The following LAMA2 variants were observed in gnomAD, a reference collection of about 807,000 sequenced individuals.
LAMA2 encodes the protein laminin subunit alpha-2.
A neutral mutation model predicts 364.8 loss-of-function variants in LAMA2; 269 were observed. The ratio of observed to expected loss-of-function variants is 0.74; its 90% CI spans 0.67 to 0.82. The LOEUF is 0.82. Ranked by LOEUF, LAMA2 falls within the 40% of genes least tolerant of loss-of-function variation. The pLI is 0.00. For missense variants in LAMA2, 3,807 were observed against 3,873.2 expected (o/e 0.98, Z 0.45); for synonymous variants, 1,379 against 1,370.6 (o/e 1.01, Z -0.14).
intron 58 of LAMA2, among the ~76,000 whole-genome samples, chr6:129,499,932 C>G (rs56000744): frequency 0.026 from 3,951 of 151,852 alleles, 165 homozygotes; most frequent in African/African-American, 0.087. Context: ...TTTGGAGAGA[C>G]AGAGGGGGGC....
intron 1 of LAMA2, among the ~76,000 whole-genome samples, chr6:128,920,539 T>G (rs946745192): frequency 6.6e-6 from 1 of 152,142 alleles, no homozygotes; most frequent in Non-Finnish European, 1.5e-5. Context: ...TGTACCCATA[T>G]TGGCTCTATT....
At chr6:129,299,985 C>A (rs1016169785) in intron 21 of LAMA2, among the ~76,000 whole-genome samples, 1 of 152,284 alleles carries the variant, frequency 6.6e-6, no homozygotes, top group East Asian at 1.9e-4. Flanking sequence ...TTCTTAGTAG[C>A]TGGGTCAACT....
chr6:129,380,269 T>C (rs973878832), intron 34 of LAMA2, among the ~76,000 whole-genome samples: 13 of 152,132 alleles, frequency 8.5e-5, no homozygotes, highest in Non-Finnish European at 1.8e-4. Flanking sequence ...AAATCTTTTT[T>C]TGAGAATGTT....
chr6:129,327,233 G>C (rs1468393428), intron 28 of LAMA2, among the ~76,000 whole-genome samples: 1 of 152,076 alleles, frequency 6.6e-6, no homozygotes, highest in Non-Finnish European at 1.5e-5. Context: ...CAAGGAGGGT[G>C]CTAGCTATTA....
chr6:129,403,760 A>T lies in LAMA2; in HGVS notation c.5727-61A>T, dbSNP rs765689172. The T allele has an allele frequency of 3.8e-5, 56 of 1,491,126 alleles. No individual in the cohort carries two copies. In the Middle Eastern group the frequency reaches 6.9e-4, roughly 18 times the overall value. 92.4% of individuals were successfully genotyped at this position (1,491,126 alleles called of 1,614,324 possible). A position where few individuals can be genotyped will look rare whatever the true frequency, so the allele number is the denominator to read the frequency against. ...GGAAGCCAGATTTCATATAATTAGG[A>T]CGTTCTTCATTTGAGTACCATTGAG... On this transcript the variant is annotated intron_variant, in intron 39 of 64. Coordinates refer to ENST00000421865, the MANE Select transcript of LAMA2 (RefSeq NM_000426.4).
chr6:128,935,052 G>A (rs1454370622), intron 1 of LAMA2, among the ~76,000 whole-genome samples: 2 of 151,788 alleles, frequency 1.3e-5, no homozygotes, highest in Admixed American at 6.6e-5. Context: ...TATTTTTGAC[G>A]CTATTGCTTT....
intron 1 of LAMA2, among the ~76,000 whole-genome samples, chr6:128,913,115 G>A (rs1250921523): frequency 6.6e-6 from 1 of 152,184 alleles, no homozygotes; most frequent in Non-Finnish European, 1.5e-5. Flanking sequence ...TCCACTCTGA[G>A]AGATTAATTA....
In LAMA2 at chr6:129,481,420, A is replaced by C; in HGVS notation, c.7730A>C (p.Lys2577Thr). Residue 2577 changes from lysine (K) to threonine (T), a missense_variant, in exon 55 of 65, where the codon AAA (lysine) becomes ACA (threonine). Lys to Thr is a moderately conservative substitution (Grantham distance 78). This residue lies in a region of LAMA2 where 3,333 missense variants were observed against 3,345.7 expected (regional missense o/e 1.00). Coordinates refer to ENST00000421865, the MANE Select transcript of LAMA2 (RefSeq NM_000426.4). ...GGGACACCAGCACCACCTAGGAGAA[A>C]ACGAAGGCAGACTGGACAGGTACCC... ...SGGTPAPPRR[K>T]RRQTGQAYYA... The C allele has an allele frequency of 6.2e-7, 1 of 1,613,850 alleles. No individual in the cohort carries two copies. Among genetic ancestry groups the C allele is most frequent in the Non-Finnish European group, 8.5e-7 (1 of 1,179,794 alleles).
chr6:129,017,291 T>G (rs764815862), intron 1 of LAMA2, among the ~76,000 whole-genome samples: 4 of 152,020 alleles, frequency 2.6e-5, no homozygotes, highest in Non-Finnish European at 5.9e-5. Flanking sequence ...TCTATTTTTG[T>G]GAGGCACTAT....
chr6:128,974,990 T>A (rs907865198), intron 1 of LAMA2, among the ~76,000 whole-genome samples: 3 of 151,904 alleles, frequency 2.0e-5, no homozygotes, highest in African/African-American at 4.8e-5. Context: ...TAGCTGGGAC[T>A]ACAGGCGCCC....
At chr6:129,312,527 A>T (rs1774294112) in intron 22 of LAMA2, among the ~76,000 whole-genome samples, 1 of 152,230 alleles carries the variant, frequency 6.6e-6, no homozygotes, top group South Asian at 2.1e-4. Context: ...AAGGTAAAAT[A>T]ACTTTGTCTA....
At chr6:129,478,011 CTT>C (rs1784160117) in intron 53 of LAMA2, among the ~76,000 whole-genome samples, 1 of 139,636 alleles carries the variant, frequency 7.2e-6, no homozygotes, top group African/African-American at 2.6e-5. Flanking sequence ...CTGGTCTTGT[CTT>C]GAACTCGTGG....
intron 61 of LAMA2, among the ~76,000 whole-genome samples, chr6:129,507,116 A>G (rs1276911346): frequency 8.0e-6 from 1 of 125,428 alleles, no homozygotes; most frequent in African/African-American, 2.7e-5. Flanking sequence ...CAAAATGGGT[A>G]TATAGTAAGG....
In LAMA2 at chr6:129,315,806, G is replaced by A; in HGVS notation, c.3780G>A (p.Glu1260=). 1 of 1,614,090 alleles carries A rather than the reference G, an allele frequency of 6.2e-7. No homozygotes were observed. Among genetic ancestry groups the A allele is most frequent in the Non-Finnish European group, 8.5e-7 (1 of 1,180,026 alleles). Reference sequence around the variant, plus strand: ...AACTCAAGTATGCAATCTATTTCGAGGCTCGGGAAGAAACAGGTTTCTCTA... The same window carrying A: ...AACTCAAGTATGCAATCTATTTCGAAGCTCGGGAAGAAACAGGTTTCTCTA... ...GGKLKYAIYF[E]AREETGFSTY... Residue 1260 remains glutamate, a synonymous_variant, in exon 26 of 65, where the codon GAG becomes GAA. Coordinates refer to ENST00000421865, the MANE Select transcript of LAMA2 (RefSeq NM_000426.4).
At chr6:129,034,593 C>T (rs1450535734) in intron 1 of LAMA2, among the ~76,000 whole-genome samples, 1 of 151,792 alleles carries the variant, frequency 6.6e-6, no homozygotes, top group Non-Finnish European at 1.5e-5. Context: ...ACATTGTATT[C>T]AGTCAGTAAT....
At chr6:129,211,417 T>C (rs1419040698) in intron 12 of LAMA2, among the ~76,000 whole-genome samples, 1 of 152,216 alleles carries the variant, frequency 6.6e-6, no homozygotes, top group Non-Finnish European at 1.5e-5. Flanking sequence ...TGAAATGTTA[T>C]TCACATACCT....
intron 11 of LAMA2, among the ~76,000 whole-genome samples, chr6:129,190,986 A>G (rs888999529): frequency 6.6e-6 from 1 of 152,180 alleles, no homozygotes. Context: ...TTGTCTCCCT[A>G]TACAGAAAAG....
At chr6:129,192,266 C>G (rs1479218424) in intron 11 of LAMA2, among the ~76,000 whole-genome samples, 4 of 152,078 alleles carry the variant, frequency 2.6e-5, no homozygotes, top group Admixed American at 2.0e-4. Context: ...TTGTTTTTTC[C>G]AAAAGCAACA....
At chr6:128,909,374 C>T (rs1200575979) in intron 1 of LAMA2, among the ~76,000 whole-genome samples, 1 of 151,594 alleles carries the variant, frequency 6.6e-6, no homozygotes, top group Admixed American at 6.6e-5. Context: ...TGAATTGATC[C>T]CTTTACCATT....
Sources: allele counts gnomAD v4.1 joint callset (sites outside exome capture counted in the v4.1 genomes callset), GRCh38; gene constraint gnomAD v4.1.1; regional missense constraint gnomAD v4.1.1; transcripts MANE v1.5; gene names NCBI Gene and HGNC (gene_info 2026-07-23, HGNC 2026-07-21).